PDE4D: variants seen among roughly 807,000 people sequenced by gnomAD.
PDE4D encodes 3',5'-cyclic-AMP phosphodiesterase 4D.
Under a neutral mutation model 87.4 loss-of-function variants are expected in PDE4D, and 24 were observed. That is an observed-to-expected ratio of 0.27 (90% CI 0.20 to 0.39). The LOEUF (loss-of-function observed/expected upper bound fraction) is 0.39, where lower values mean the gene tolerates loss of function less well. Ranked by LOEUF, PDE4D falls within the 10% of genes least tolerant of loss-of-function variation. The pLI, the probability that PDE4D is intolerant of heterozygous loss-of-function variation, is 1.00. For synonymous variants in PDE4D, 384 were observed against 383.2 expected (o/e 1.00, Z -0.02); for missense variants, 714 against 1,041.0 (o/e 0.69, Z 4.32).
chr5:59,135,676 C>T (rs143696977), intron 5 of PDE4D, among the ~76,000 whole-genome samples: 14 of 152,150 alleles, frequency 9.2e-5, no homozygotes, highest in East Asian at 1.9e-4. Context: ...TCATTCAATA[C>T]GTATATCTCC....
At position 59,340,591 on chromosome 5, in the gene PDE4D, A is replaced by G. The variant is rs2153581588; in HGVS notation, c.456-124623T>C. Among the ~76,000 whole-genome samples the G allele has an allele frequency of 1.3e-5, 2 of 152,314 alleles. 1 individual carries two copies. The highest frequency in any genetic ancestry group is 4.1e-4 in the South Asian group (2 of 4,828). ...ACAATAAATTATTGTGACTGCAATC[A>G]GTCTTTTGTGCTATCAAATACTAGA... On this transcript the variant is annotated intron_variant, in intron 1 of 14. Transcript: ENST00000340635.
rs955381007 is a variant in PDE4D, at chr5:58,972,850, A to G, written c.*1814T>C. On this transcript the variant is annotated 3_prime_UTR_variant, in exon 15 of 15. Coordinates refer to ENST00000340635, the MANE Select transcript of PDE4D (RefSeq NM_001104631.2). Reference sequence around the variant, plus strand: ...CTGAAATCAGCCAAGAGTGATCTCTAATTTTTTATTTAACCAGAATTTTTA... The same window carrying G: ...CTGAAATCAGCCAAGAGTGATCTCTGATTTTTTATTTAACCAGAATTTTTA... The G allele has an allele frequency of 2.0e-5, 3 of 151,858 alleles. No homozygotes were observed. Among genetic ancestry groups the G allele is most frequent in the Admixed American group, 6.6e-5 (1 of 15,198 alleles). The allele number at this position is 151,858 out of a possible 1,614,324, so 9.4% of individuals were successfully genotyped here.
At chr5:59,685,156 C>T (rs1749643659) in intron 1 of PDE4D, among the ~76,000 whole-genome samples, 1 of 152,176 alleles carries the variant, frequency 6.6e-6, no homozygotes, top group Admixed American at 6.5e-5. Flanking sequence ...TGTGCCAAGG[C>T]AGGATAAATC....
chr5:60,259,461 C>T (rs1244538908), intron 1 of PDE4D, among the ~76,000 whole-genome samples: 1 of 151,944 alleles, frequency 6.6e-6, no homozygotes, highest in African/African-American at 2.4e-5. Context: ...AGAAAGAAGC[C>T]AGTAAGAACC....
At chr5:59,311,905 C>T (rs2153566403) in intron 1 of PDE4D, among the ~76,000 whole-genome samples, 1 of 152,228 alleles carries the variant, frequency 6.6e-6, no homozygotes, top group East Asian at 1.9e-4. Flanking sequence ...TCCTCCAGGG[C>T]CCTGCATCGG....
intron 3 of PDE4D, among the ~76,000 whole-genome samples, chr5:59,925,865 A>C (rs986901900): frequency 1.3e-5 from 2 of 152,196 alleles, no homozygotes; most frequent in African/African-American, 2.4e-5. Context: ...CACATATATA[A>C]AGCAAATATT....
chr5:60,145,331 A>C (rs1043233547), intron 2 of PDE4D, among the ~76,000 whole-genome samples: 2 of 152,316 alleles, frequency 1.3e-5, no homozygotes, highest in Non-Finnish European at 2.9e-5. Flanking sequence ...AAGGACTGAC[A>C]AGCTGTATGT....
intron 1 of PDE4D, among the ~76,000 whole-genome samples, chr5:59,593,793 C>T (rs1372492364): frequency 6.6e-6 from 1 of 152,200 alleles, no homozygotes; most frequent in Non-Finnish European, 1.5e-5. Flanking sequence ...AGTTGAAAAA[C>T]TCCAGAGGAA....
intron 1 of PDE4D, among the ~76,000 whole-genome samples, chr5:59,805,566 A>T (rs1240168184): frequency 6.6e-6 from 1 of 152,226 alleles, no homozygotes; most frequent in Non-Finnish European, 1.5e-5. Context: ...GCTATGTTAG[A>T]GTTTAAGAAG....
chr5:60,146,504 CT>C (rs1246231005), intron 2 of PDE4D, among the ~76,000 whole-genome samples: 4 of 152,142 alleles, frequency 2.6e-5, no homozygotes, highest in African/African-American at 9.7e-5. Flanking sequence ...CTCATTGACC[CT>C]TTTCCTCACA....
chr5:59,240,779 AACACACACACACAC>A (rs747637745), intron 1 of PDE4D, among the ~76,000 whole-genome samples: 11 of 78,056 alleles, frequency 1.4e-4, no homozygotes, highest in Admixed American at 2.8e-4. Flanking sequence ...AAAATTCACA[AACACACACACACAC>A]ACACACACAC....
intron 1 of PDE4D, among the ~76,000 whole-genome samples, chr5:59,851,929 C>G (rs974678012): frequency 2.0e-5 from 3 of 152,070 alleles, no homozygotes; most frequent in Non-Finnish European, 4.4e-5. Context: ...CAACCTCGAG[C>G]TAAGAACCCA....
intron 1 of PDE4D, among the ~76,000 whole-genome samples, chr5:59,284,203 T>C (rs551174757): frequency 2.1e-4 from 32 of 152,180 alleles, no homozygotes; most frequent in Non-Finnish European, 1.2e-4. Context: ...TGTCTGGCCA[T>C]GCAAATCTCT....
intron 5 of PDE4D, among the ~76,000 whole-genome samples, chr5:59,109,658 T>C (rs1772274354): frequency 6.6e-6 from 1 of 152,118 alleles, no homozygotes; most frequent in East Asian, 1.9e-4. Flanking sequence ...ATTAATCCTT[T>C]CCAACAATTT....
chr5:59,721,916 T>A (rs1234096798), intron 1 of PDE4D, among the ~76,000 whole-genome samples: 1 of 152,106 alleles, frequency 6.6e-6, no homozygotes, highest in Non-Finnish European at 1.5e-5. Context: ...GAGAGGCGCA[T>A]CCATGGGTGC....
At chr5:59,567,274 C>T (rs1480949244) in intron 1 of PDE4D, among the ~76,000 whole-genome samples, 1 of 152,094 alleles carries the variant, frequency 6.6e-6, no homozygotes, top group Non-Finnish European at 1.5e-5. Context: ...CAGAGTATGG[C>T]CAATGTCCAG....
At chr5:60,411,055 A>C (rs1742005372) in intron 1 of PDE4D, among the ~76,000 whole-genome samples, 1 of 152,236 alleles carries the variant, frequency 6.6e-6, no homozygotes, top group Non-Finnish European at 1.5e-5. Context: ...CTGACATTTG[A>C]ACATAGGCTG....
intron 3 of PDE4D, among the ~76,000 whole-genome samples, chr5:59,971,218 GA>G (rs897300747): frequency 1.0e-5 from 1 of 98,590 alleles, no homozygotes; most frequent in African/African-American, 3.8e-5. Context: ...GGGGTGGGGG[GA>G]GGGGGGAGGG....
chr5:60,368,522 G>A (rs1760744680), intron 1 of PDE4D, among the ~76,000 whole-genome samples: 1 of 152,188 alleles, frequency 6.6e-6, no homozygotes, highest in South Asian at 2.1e-4. Flanking sequence ...TGAGAAAGCA[G>A]TGCTTTCCTT....
Sources: gnomAD v4.1 joint callset for allele counts (sites outside exome capture counted in the v4.1 genomes callset) on GRCh38, gnomAD v4.1.1 for gene constraint, MANE v1.5 for transcripts, NCBI Gene and HGNC (gene_info 2026-07-23, HGNC 2026-07-21) for gene names.